NKAIN2: variants seen among roughly 807,000 people sequenced by gnomAD.
The protein encoded by NKAIN2 is sodium/potassium-transporting ATPase subunit beta-1-interacting protein 2.
In NKAIN2, 14 loss-of-function variants were observed where a neutral mutation model predicts 32.6. The ratio of observed to expected loss-of-function variants is 0.43; its 90% confidence interval spans 0.28 to 0.67. The LOEUF is 0.67. Ranked by LOEUF, NKAIN2 falls within the 30% of genes least tolerant of loss-of-function variation. The probability of loss-of-function intolerance (pLI) is 0.17; values close to 1 mark genes in which losing one functional copy is unlikely to be tolerated. For missense variants in NKAIN2, 198 were observed against 258.3 expected (o/e 0.77, Z 1.60); for synonymous variants, 80 against 87.2 (o/e 0.92, Z 0.46).
intron 4 of NKAIN2, among the ~76,000 whole-genome samples, chr6:124,760,769 G>T (rs573387969): frequency 6.6e-6 from 1 of 152,246 alleles, no homozygotes; most frequent in East Asian, 1.9e-4. Flanking sequence ...GTCCACATCT[G>T]CAATAGCAAT....
intron 3 of NKAIN2, among the ~76,000 whole-genome samples, chr6:124,543,159 T>G (rs1468154884): frequency 6.6e-6 from 1 of 152,200 alleles, no homozygotes; most frequent in Non-Finnish European, 1.5e-5. Flanking sequence ...TAATAAAATT[T>G]AAGTGGTATA....
intron 1 of NKAIN2, 91 bp from the exon 2 acceptor site, chr6:124,282,914 A>G (rs1795368658): frequency 1.8e-6 from 2 of 1,085,012 alleles, no homozygotes; most frequent in South Asian, 1.4e-5. Flanking sequence ...TATAAGTGCT[A>G]ATTATGTTAT....
chr6:124,741,850 A>G (rs1025631135), intron 4 of NKAIN2, among the ~76,000 whole-genome samples: 1 of 151,956 alleles, frequency 6.6e-6, no homozygotes, highest in African/African-American at 2.4e-5. Flanking sequence ...TAAATCATAA[A>G]TATAAATGCT....
chr6:124,600,480 A>G (rs1782263784), intron 3 of NKAIN2, among the ~76,000 whole-genome samples: 1 of 152,090 alleles, frequency 6.6e-6, no homozygotes, highest in South Asian at 2.1e-4. Context: ...CCTACTAAAA[A>G]TATCTGTTTT....
intron 4 of NKAIN2, among the ~76,000 whole-genome samples, chr6:124,714,451 C>G (rs1042653222): frequency 1.3e-5 from 2 of 152,216 alleles, no homozygotes; most frequent in African/African-American, 2.4e-5. Context: ...ATGCTTGGAG[C>G]TGACATGGAA....
chr6:124,256,327 C>G (rs1793927953), intron 1 of NKAIN2, among the ~76,000 whole-genome samples: 1 of 152,096 alleles, frequency 6.6e-6, no homozygotes, highest in African/African-American at 2.4e-5. Flanking sequence ...TAAGGGAGCT[C>G]TTATGTACAT....
At chr6:124,199,261 C>A (rs1790488594) in intron 1 of NKAIN2, among the ~76,000 whole-genome samples, 2 of 152,124 alleles carry the variant, frequency 1.3e-5, no homozygotes, top group South Asian at 4.1e-4. Flanking sequence ...GAAGAAAAAT[C>A]CATCACATTA....
intron 1 of NKAIN2, among the ~76,000 whole-genome samples, chr6:124,048,849 C>T (rs545004564): frequency 6.6e-6 from 1 of 152,012 alleles, no homozygotes; most frequent in African/African-American, 2.4e-5. Flanking sequence ...TTCTTAAGTG[C>T]ATGGCTCAGT....
chr6:124,350,244 CT>C (rs1161149297), intron 2 of NKAIN2, among the ~76,000 whole-genome samples: 2 of 152,108 alleles, frequency 1.3e-5, no homozygotes, highest in Admixed American at 6.6e-5. Context: ...TTGTACTGAT[CT>C]TTATACTCTT....
At chr6:123,870,254 C>T (rs1288206810) in intron 1 of NKAIN2, among the ~76,000 whole-genome samples, 2 of 151,950 alleles carry the variant, frequency 1.3e-5, no homozygotes. Context: ...GAAAAGCAGC[C>T]TGGGAGAAGG....
chr6:124,398,566 G>A (rs1251257593), intron 3 of NKAIN2, among the ~76,000 whole-genome samples: 1 of 152,076 alleles, frequency 6.6e-6, no homozygotes, highest in Admixed American at 6.5e-5. Context: ...TCACTCATAG[G>A]CTTGAGAAGG....
intron 1 of NKAIN2, among the ~76,000 whole-genome samples, chr6:124,256,315 G>GT (rs1373873660): frequency 6.6e-5 from 10 of 152,160 alleles, no homozygotes; most frequent in African/African-American, 2.4e-4. Context: ...AAATAAGATA[G>GT]TTAAGGGAGC....
At chr6:124,220,528 C>T (rs1227018834) in intron 1 of NKAIN2, among the ~76,000 whole-genome samples, 1 of 84,758 alleles carries the variant, frequency 1.2e-5, no homozygotes, top group Non-Finnish European at 2.6e-5. Context: ...GATGAATAAA[C>T]ATACATATGT....
intron 2 of NKAIN2, among the ~76,000 whole-genome samples, chr6:124,313,299 G>A (rs886884479): frequency 6.6e-6 from 1 of 152,102 alleles, no homozygotes; most frequent in Non-Finnish European, 1.5e-5. Context: ...TCTTAAACTA[G>A]TAGGTGGAAA....
chr6:124,759,005 T>G (rs1486581462), intron 4 of NKAIN2, among the ~76,000 whole-genome samples: 2 of 152,192 alleles, frequency 1.3e-5, no homozygotes, highest in Non-Finnish European at 2.9e-5. Context: ...ACTTTTCTGA[T>G]TTTTCAGTCA....
chr6:123,809,596 G>A (rs996074680), intron 1 of NKAIN2, among the ~76,000 whole-genome samples: 17 of 152,066 alleles, frequency 1.1e-4, no homozygotes, highest in Admixed American at 2.6e-4. Flanking sequence ...GCACATGTGC[G>A]CACGTAATAA....
At chr6:124,066,532 C>A (rs2114868765) in intron 1 of NKAIN2, among the ~76,000 whole-genome samples, 1 of 152,266 alleles carries the variant, frequency 6.6e-6, no homozygotes, top group African/African-American at 2.4e-5. Flanking sequence ...TGATTCATAG[C>A]TCATATATGC....
chr6:124,470,909 G>A (rs1776946640), intron 3 of NKAIN2, among the ~76,000 whole-genome samples: 1 of 152,102 alleles, frequency 6.6e-6, no homozygotes, highest in Non-Finnish European at 1.5e-5. Context: ...ATTTAAAACT[G>A]AGGCTGGTGA....
At chr6:124,338,370 G>T (rs1265568276) in intron 2 of NKAIN2, among the ~76,000 whole-genome samples, 2 of 152,166 alleles carry the variant, frequency 1.3e-5, no homozygotes, top group African/African-American at 4.8e-5. Flanking sequence ...GGTGATAAGT[G>T]TAGAGCTGCT....
Sources: allele counts gnomAD v4.1 joint callset (sites outside exome capture counted in the v4.1 genomes callset), GRCh38; gene constraint gnomAD v4.1.1; transcripts MANE v1.5; gene names NCBI Gene and HGNC (gene_info 2026-07-23, HGNC 2026-07-21).